B3GALT1: variants seen among roughly 807,000 people sequenced by gnomAD.
B3GALT1 encodes the protein UDP-Gal:betaGlcNAc beta 1,3-galactosyltransferase, polypeptide 1.
Under a neutral mutation model 23.2 loss-of-function variants are expected in B3GALT1, and 10 were observed. That is an observed-to-expected ratio of 0.43 (90% CI 0.27 to 0.73). The LOEUF is 0.73. Among genes scored for constraint, B3GALT1 ranks in the 30% least tolerant of loss-of-function variants. The probability of loss-of-function intolerance (pLI) is 0.21; values close to 1 mark genes in which losing one functional copy is unlikely to be tolerated. For missense variants in B3GALT1, 299 were observed against 405.4 expected, an observed-to-expected ratio of 0.74 and a Z score of 2.25; for synonymous variants, 156 against 141.5, an observed-to-expected ratio of 1.10 and a Z score of -0.73.
intron 3 of B3GALT1, among the ~76,000 whole-genome samples, chr2:167,796,530 T>G (rs1485455356): frequency 4.6e-5 from 7 of 152,178 alleles, no homozygotes; most frequent in African/African-American, 1.7e-4. Flanking sequence ...GGAGATCACT[T>G]GAGGACAGGA....
chr2:167,774,485 GTTTTTTTTTTTGTTTTTT>G (rs1302682659), intron 3 of B3GALT1, among the ~76,000 whole-genome samples: 3 of 105,180 alleles, frequency 2.9e-5, no homozygotes, highest in African/African-American at 6.4e-5. Context: ...TTTTTTTTTT[GTTTTTTTTTTTGTTTTTT>G]TTTTTTTTTT....
At chr2:167,379,030 G>A (rs1697804195) in intron 1 of B3GALT1, among the ~76,000 whole-genome samples, 1 of 152,094 alleles carries the variant, frequency 6.6e-6, no homozygotes. Flanking sequence ...CTGCTGTAAA[G>A]AACTTACCCA....
intron 1 of B3GALT1, among the ~76,000 whole-genome samples, chr2:167,384,125 C>A (rs1040730457): frequency 6.6e-6 from 1 of 152,118 alleles, no homozygotes; most frequent in Non-Finnish European, 1.5e-5. Flanking sequence ...TAGCGAAAAA[C>A]CGTGATTCCT....
chr2:167,635,020 C>T (rs2105450483), intron 2 of B3GALT1, among the ~76,000 whole-genome samples: 1 of 152,268 alleles, frequency 6.6e-6, no homozygotes, highest in Non-Finnish European at 1.5e-5. Flanking sequence ...TTGGCTTCAT[C>T]CCTGGGATGC....
intron 1 of B3GALT1, among the ~76,000 whole-genome samples, chr2:167,329,389 G>T (rs1265066717): frequency 6.6e-6 from 1 of 152,154 alleles, no homozygotes; most frequent in Non-Finnish European, 1.5e-5. Context: ...AATCTGTTGA[G>T]ACTTATTTTG....
chr2:167,674,320 C>T (rs1686386246), intron 3 of B3GALT1, among the ~76,000 whole-genome samples: 1 of 152,074 alleles, frequency 6.6e-6, no homozygotes, highest in Non-Finnish European at 1.5e-5. Flanking sequence ...TGGTCTTTGT[C>T]TCCATCTCTC....
At chr2:167,384,739 G>A (rs1224043897) in intron 1 of B3GALT1, among the ~76,000 whole-genome samples, 2 of 152,032 alleles carry the variant, frequency 1.3e-5, no homozygotes, top group Non-Finnish European at 2.9e-5. Context: ...ATTCCTCTTA[G>A]CATCTGGCCT....
chr2:167,364,338 A>ATT (rs58217518), intron 1 of B3GALT1, among the ~76,000 whole-genome samples: 7 of 149,598 alleles, frequency 4.7e-5, no homozygotes, highest in South Asian at 4.2e-4. Context: ...ATATATATAT[A>ATT]GTTTTTTTTT....
intron 2 of B3GALT1, among the ~76,000 whole-genome samples, chr2:167,641,236 G>A (rs1405166237): frequency 6.6e-6 from 1 of 152,086 alleles, no homozygotes; most frequent in East Asian, 1.9e-4. Context: ...TAAGTGCTAG[G>A]CATAGTAATG....
intron 3 of B3GALT1, among the ~76,000 whole-genome samples, chr2:167,777,416 G>A (rs868334545): frequency 3.9e-5 from 6 of 152,068 alleles, no homozygotes; most frequent in Non-Finnish European, 7.4e-5. Flanking sequence ...GCACGATCTC[G>A]GCTCACTGCA....
intron 2 of B3GALT1, among the ~76,000 whole-genome samples, chr2:167,570,033 A>T (rs940453266): frequency 6.6e-6 from 1 of 151,862 alleles, no homozygotes; most frequent in African/African-American, 2.4e-5. Flanking sequence ...CTTGAACATA[A>T]TGTATTCTTT....
chr2:167,398,986 A>C (rs1028425633), intron 1 of B3GALT1, among the ~76,000 whole-genome samples: 1 of 152,162 alleles, frequency 6.6e-6, no homozygotes, highest in Non-Finnish European at 1.5e-5. Flanking sequence ...TTACTGACTG[A>C]AAATAATCCA....
At chr2:167,672,618 CT>C (rs1686351712) in intron 3 of B3GALT1, among the ~76,000 whole-genome samples, 1 of 152,110 alleles carries the variant, frequency 6.6e-6, no homozygotes, top group Non-Finnish European at 1.5e-5. Flanking sequence ...TCTAATCCCC[CT>C]GTGGCCAAAT....
chr2:167,843,839 C>A (rs1319274015), intron 4 of B3GALT1, among the ~76,000 whole-genome samples: 1 of 152,174 alleles, frequency 6.6e-6, no homozygotes, highest in Non-Finnish European at 1.5e-5. Context: ...TTCAGTGGCA[C>A]TATGAGTATG....
At chr2:167,845,359 C>T (rs1375692891) in intron 4 of B3GALT1, among the ~76,000 whole-genome samples, 6 of 152,184 alleles carry the variant, frequency 3.9e-5, no homozygotes, top group African/African-American at 1.4e-4. Flanking sequence ...CCAACCACCT[C>T]CACCAGAACA....
intron 3 of B3GALT1, among the ~76,000 whole-genome samples, chr2:167,668,896 G>A (rs150993857): frequency 0.017 from 2,532 of 152,292 alleles, 65 homozygotes; most frequent in African/African-American, 0.057. Flanking sequence ...GAAATGCAGA[G>A]ATCACCCGTC....
intron 3 of B3GALT1, among the ~76,000 whole-genome samples, chr2:167,784,743 T>C (rs1688313394): frequency 6.6e-6 from 1 of 152,192 alleles, no homozygotes; most frequent in Admixed American, 6.5e-5. Flanking sequence ...AAAACAATGC[T>C]GTATTAAAAA....
At chr2:167,576,182 A>G (rs1022152955) in intron 2 of B3GALT1, among the ~76,000 whole-genome samples, 3 of 151,806 alleles carry the variant, frequency 2.0e-5, no homozygotes, top group Non-Finnish European at 4.4e-5. Context: ...CACTGAATTA[A>G]GGACTTTATT....
chr2:167,628,839 C>A (rs1685390540), intron 2 of B3GALT1, among the ~76,000 whole-genome samples: 1 of 151,582 alleles, frequency 6.6e-6, no homozygotes, highest in Admixed American at 6.6e-5. Context: ...TATATATATT[C>A]AATGGAGTGA....
Sources: gnomAD v4.1 joint callset for allele counts (sites outside exome capture counted in the v4.1 genomes callset) on GRCh38, gnomAD v4.1.1 for gene constraint, MANE v1.5 for transcripts, NCBI Gene and HGNC (gene_info 2026-07-23, HGNC 2026-07-21) for gene names.